Variants in FHAD1 observed in about 807,000 individuals in gnomAD.
FHAD1 encodes forkhead associated phosphopeptide binding domain 1.
A neutral mutation model predicts 191.3 loss-of-function variants in FHAD1; 146 were observed. The observed-to-expected ratio is 0.76, with a 90% confidence interval of 0.67 to 0.88. The LOEUF is 0.88. Among genes scored for constraint, FHAD1 ranks in the 40% least tolerant of loss-of-function variants. The pLI, the probability that FHAD1 is intolerant of heterozygous loss-of-function variation, is 0.00. For missense variants in FHAD1, 1,635 were observed against 1,785.8 expected, an observed-to-expected ratio of 0.92 and a Z score of 1.52; for synonymous variants, 616 against 672.3, an observed-to-expected ratio of 0.92 and a Z score of 1.29.
chr1:15,374,602 T>C lies in FHAD1; in HGVS notation c.3548T>C (p.Ile1183Thr), dbSNP rs1184165026. The C allele has an allele frequency of 3.8e-5, 59 of 1,551,534 alleles. No individual in the cohort carries two copies. In the East Asian group the frequency reaches 1.4e-3, roughly 38 times the overall value. Residue 1183 changes from isoleucine to threonine, a missense_variant, in exon 27 of 34, where the codon ATT (isoleucine) becomes ACT (threonine). Transcript: ENST00000688493. ...GCCTTATCTGAACTTCGAGCGCGAA[T>C]TAAAGAACTCGAGAAGGCGCGCTCA... ...KKALSELRARIKELEKARSPD... is the reference protein window; with the variant it reads ...KKALSELRARTKELEKARSPD...
intron 33 of FHAD1, among the ~76,000 whole-genome samples, chr1:15,392,448 T>C (rs906607302): frequency 3.9e-5 from 6 of 151,944 alleles, no homozygotes; most frequent in Admixed American, 6.6e-5. Flanking sequence ...AGGAGAATGG[T>C]GTGAACCTGG....
intron 4 of FHAD1, among the ~76,000 whole-genome samples, chr1:15,292,485 C>T (rs1413533955): frequency 1.3e-5 from 2 of 152,254 alleles, no homozygotes; most frequent in African/African-American, 4.8e-5. Context: ...AGGCGCCCGC[C>T]ACCACGCCCA....
At chr1:15,378,263 C>T (rs769673064) in intron 28 of FHAD1, among the ~76,000 whole-genome samples, 10 of 151,480 alleles carry the variant, frequency 6.6e-5, no homozygotes, top group Non-Finnish European at 1.3e-4. Context: ...CCAGCCTGGG[C>T]GAAAGAGTGA....
chr1:15,254,463 G>A (rs984640102), intron 2 of FHAD1, among the ~76,000 whole-genome samples: 7 of 151,332 alleles, frequency 4.6e-5, no homozygotes, highest in South Asian at 2.1e-4. Flanking sequence ...CGCCACAATC[G>A]TTATTATGGT....
chr1:15,307,850 C>T lies in FHAD1; in HGVS notation c.916-763C>T, dbSNP rs1212947011. ...GGTTCACACCATTCTCCTGCCTCAG[C>T]CTCCCGAGTAGCTGGGACTACAGGT... On this transcript the variant is annotated intron_variant, in intron 6 of 33. Transcript: ENST00000688493. Among the ~76,000 whole-genome samples the T allele has an allele frequency of 1.8e-4, 27 of 152,056 alleles. 1 individual carries two copies. The highest frequency in any genetic ancestry group is 1.8e-3 in the Admixed American group (27 of 15,262).
At chr1:15,351,866 G>A (rs1310107431) in intron 19 of FHAD1, among the ~76,000 whole-genome samples, 1 of 151,718 alleles carries the variant, frequency 6.6e-6, no homozygotes, top group Non-Finnish European at 1.5e-5. Context: ...AGGCGGGTAG[G>A]GTGGGTGGGT....
At chr1:15,332,040 G>T (rs1408207878) in intron 14 of FHAD1, among the ~76,000 whole-genome samples, 1 of 152,200 alleles carries the variant, frequency 6.6e-6, no homozygotes, top group Non-Finnish European at 1.5e-5. Context: ...TAAGAATAGA[G>T]AAGTGATTTT....
intron 24 of FHAD1, among the ~76,000 whole-genome samples, chr1:15,366,191 C>T (rs1329781088): frequency 7.0e-6 from 1 of 143,428 alleles, no homozygotes; most frequent in Non-Finnish European, 1.5e-5. Flanking sequence ...GAGGCTGAGG[C>T]AGAGGATTGC....
chr1:15,379,820 C>T (rs1305408785), intron 28 of FHAD1, among the ~76,000 whole-genome samples: 1 of 152,202 alleles, frequency 6.6e-6, no homozygotes, highest in African/African-American at 2.4e-5. Flanking sequence ...CTGAGTTTGA[C>T]ACAGCACATG....
chr1:15,292,133 T>A (rs1158916824), intron 4 of FHAD1, among the ~76,000 whole-genome samples: 1 of 151,574 alleles, frequency 6.6e-6, no homozygotes, highest in Non-Finnish European at 1.5e-5. Flanking sequence ...CTTTCTTCCT[T>A]CCTTCTTTTC....
chr1:15,390,870 C>T (rs1024691200), intron 32 of FHAD1, among the ~76,000 whole-genome samples: 1 of 152,112 alleles, frequency 6.6e-6, no homozygotes, highest in Non-Finnish European at 1.5e-5. Flanking sequence ...CTCTGGGAGG[C>T]GCTGCCTCGA....
intron 2 of FHAD1, 91 bp from the exon 3 acceptor site, chr1:15,272,232 C>T (rs995808945): frequency 1.8e-5 from 21 of 1,183,270 alleles, no homozygotes; most frequent in Admixed American, 2.1e-5. Flanking sequence ...GATCTGGCGG[C>T]GGCAAAACAG....
intron 31 of FHAD1, among the ~76,000 whole-genome samples, chr1:15,382,483 A>G (rs531898091): frequency 6.6e-6 from 1 of 152,298 alleles, no homozygotes; most frequent in South Asian, 2.1e-4. Context: ...GCCAGGTGCT[A>G]GGGATACATA....
chr1:15,309,546 G>C (rs1671597812), intron 7 of FHAD1, among the ~76,000 whole-genome samples: 1 of 152,212 alleles, frequency 6.6e-6, no homozygotes, highest in Non-Finnish European at 1.5e-5. Context: ...TGAAGTGAAG[G>C]AGAATAGCTT....
chr1:15,271,620 C>CGCATGAGAAATAACTAATT (rs1553233852), intron 2 of FHAD1, among the ~76,000 whole-genome samples: 1 of 151,692 alleles, frequency 6.6e-6, no homozygotes, highest in Non-Finnish European at 1.5e-5. Flanking sequence ...AATAACTAAT[C>CGCATGAGAAATAACTAATT]GCATGGGAAA....
intron 7 of FHAD1, among the ~76,000 whole-genome samples, chr1:15,310,554 C>T (rs974254841): frequency 6.6e-6 from 1 of 152,178 alleles, no homozygotes; most frequent in Non-Finnish European, 1.5e-5. Context: ...CTGGGATGGG[C>T]TACACTCTCA....
At chr1:15,390,709 AC>A (rs1369832118) in intron 32 of FHAD1, among the ~76,000 whole-genome samples, 3 of 152,152 alleles carry the variant, frequency 2.0e-5, no homozygotes, top group Non-Finnish European at 1.5e-5. Context: ...TGTAAACCAA[AC>A]CCCAGGGAAA....
chr1:15,333,383 G>T (rs1682534016), intron 14 of FHAD1, among the ~76,000 whole-genome samples: 1 of 152,124 alleles, frequency 6.6e-6, no homozygotes, highest in Admixed American at 6.5e-5. Context: ...TGATGATGGT[G>T]ATGATGGTGA....
At chr1:15,305,892 T>G (rs1048097493) in intron 6 of FHAD1, 16 of 296,674 alleles carry the variant, frequency 5.4e-5, no homozygotes, top group Non-Finnish European at 1.1e-4. Context: ...AACAGACTAA[T>G]ACAGTAAATT....
Sources: gnomAD v4.1 joint callset for allele counts (sites outside exome capture counted in the v4.1 genomes callset) on GRCh38, gnomAD v4.1.1 for gene constraint, MANE v1.5 for transcripts, NCBI Gene and HGNC (gene_info 2026-07-23, HGNC 2026-07-21) for gene names.